Variants in ARMC3 observed in about 807,000 individuals in gnomAD.
ARMC3 encodes armadillo repeat-containing protein 3.
ARMC3 carries 74 observed loss-of-function variants against 90.3 expected under a neutral mutation model. The ratio of observed to expected loss-of-function variants is 0.82; its 90% CI spans 0.68 to 0.99. The LOEUF is 0.99. Ranked by LOEUF, ARMC3 falls within the 50% of genes least tolerant of loss-of-function variation. The pLI, the probability that ARMC3 is intolerant of heterozygous loss-of-function variation, is 0.00. For missense variants in ARMC3, 958 were observed against 1,042.8 expected (o/e 0.92, Z 1.12); for synonymous variants, 334 against 361.8 (o/e 0.92, Z 0.87).
rs569379547 is a variant in ARMC3, at chr10:23,035,507, T to C, written c.2410-1763T>C. Reference sequence around the variant, plus strand: ...CAATACTCACTGGTAAAATATCTTATCCTTCCCCTCCTCCTATATCCTTCA... The same window carrying C: ...CAATACTCACTGGTAAAATATCTTACCCTTCCCCTCCTCCTATATCCTTCA... On this transcript the variant is annotated intron_variant, in intron 18 of 18. Transcript: ENST00000298032. Among the ~76,000 whole-genome samples, 8 of 152,182 alleles carry C rather than the reference T, an allele frequency of 5.3e-5. No individual in the cohort carries two copies. In the East Asian group the frequency reaches 1.5e-3, roughly 29 times the overall value.
intron 2 of ARMC3, among the ~76,000 whole-genome samples, chr10:22,935,386 T>C (rs1166148594): frequency 2.6e-5 from 4 of 152,202 alleles, no homozygotes; most frequent in South Asian, 2.1e-4. Context: ...ATAAATGGCC[T>C]GTGCTTGCCC....
intron 11 of ARMC3, among the ~76,000 whole-genome samples, chr10:23,000,117 G>A (rs1337656696): frequency 2.0e-5 from 3 of 152,014 alleles, no homozygotes; most frequent in African/African-American, 7.3e-5. Flanking sequence ...CAATGGGAAC[G>A]TTAAGCTGCT....
intron 10 of ARMC3, among the ~76,000 whole-genome samples, chr10:22,991,194 ACTTAC>A (rs1285770642): frequency 1.3e-5 from 2 of 152,216 alleles, no homozygotes. Context: ...CTGTTGATTA[ACTTAC>A]CTTTGAGCAA....
chr10:22,978,006 T>C (rs1396268729), intron 8 of ARMC3, among the ~76,000 whole-genome samples: 1 of 152,178 alleles, frequency 6.6e-6, no homozygotes, highest in African/African-American at 2.4e-5. Flanking sequence ...AACCAACATC[T>C]TTGAGGCCAG....
chr10:23,010,178 C>G (rs1242356089), intron 16 of ARMC3, among the ~76,000 whole-genome samples: 1 of 146,358 alleles, frequency 6.8e-6, no homozygotes, highest in Non-Finnish European at 1.5e-5. Flanking sequence ...CTTCCCTTCT[C>G]TCCAGCTTCC....
At chr10:22,995,171 C>CA (rs1836894266) in intron 10 of ARMC3, among the ~76,000 whole-genome samples, 1 of 152,214 alleles carries the variant, frequency 6.6e-6, no homozygotes, top group Admixed American at 6.5e-5. Flanking sequence ...GGGAAAAATA[C>CA]AACAGAATGT....
chr10:23,021,190 C>T (rs1321129397), intron 16 of ARMC3, among the ~76,000 whole-genome samples: 1 of 152,182 alleles, frequency 6.6e-6, no homozygotes, highest in Non-Finnish European at 1.5e-5. Context: ...ATACATACGA[C>T]ATTTTTAAAA....
chr10:22,966,957 G>A (rs1564359608), intron 7 of ARMC3, among the ~76,000 whole-genome samples: 1 of 150,956 alleles, frequency 6.6e-6, no homozygotes, highest in Non-Finnish European at 1.5e-5. Flanking sequence ...ATTTGGGTTA[G>A]GACACAGAGC....
intron 1 of ARMC3, among the ~76,000 whole-genome samples, chr10:22,929,453 A>G (rs1398689015): frequency 1.3e-5 from 2 of 152,214 alleles, no homozygotes; most frequent in Non-Finnish European, 2.9e-5. Flanking sequence ...TTACCCTTGT[A>G]AGGATCATCT....
At chr10:22,945,744 T>C (rs1834501027) in intron 2 of ARMC3, among the ~76,000 whole-genome samples, 1 of 152,232 alleles carries the variant, frequency 6.6e-6, no homozygotes, top group African/African-American at 2.4e-5. Context: ...ATGTGCCAGA[T>C]GACGTGCTAA....
At chr10:23,004,295 T>G (rs2131438142) in intron 13 of ARMC3, among the ~76,000 whole-genome samples, 1 of 152,220 alleles carries the variant, frequency 6.6e-6, no homozygotes, top group African/African-American at 2.4e-5. Context: ...ATGAGGAGAA[T>G]GGGGAAAATG....
intron 11 of ARMC3, among the ~76,000 whole-genome samples, chr10:23,000,276 T>A (rs1837220774): frequency 6.6e-6 from 1 of 152,102 alleles, no homozygotes; most frequent in South Asian, 2.1e-4. Flanking sequence ...TATACCTGCT[T>A]GATTTCTCTG....
chr10:22,939,724 T>A (rs1834249314), intron 2 of ARMC3, among the ~76,000 whole-genome samples: 1 of 152,066 alleles, frequency 6.6e-6, no homozygotes, highest in African/African-American at 2.4e-5. Flanking sequence ...ATTTTCACAA[T>A]GCCCAGTATC....
intron 2 of ARMC3, among the ~76,000 whole-genome samples, chr10:22,937,234 CACTT>C (rs1834146856): frequency 6.6e-6 from 1 of 152,076 alleles, no homozygotes; most frequent in African/African-American, 2.4e-5. Context: ...TATAGATTCA[CACTT>C]AAATAACCAC....
intron 8 of ARMC3, among the ~76,000 whole-genome samples, chr10:22,973,293 TTAATAATAATAATAA>T (rs148238155): frequency 2.1e-4 from 30 of 140,912 alleles, no homozygotes; most frequent in Admixed American, 4.3e-4. Flanking sequence ...AGCAAGACCC[TTAATAATAATAATAA>T]TAATAATAAT....
intron 10 of ARMC3, among the ~76,000 whole-genome samples, chr10:22,990,115 T>G (rs538902237): frequency 6.6e-6 from 1 of 152,376 alleles, no homozygotes; most frequent in East Asian, 1.9e-4. Flanking sequence ...CTTTCAGGTT[T>G]AATTTCCAAC....
At chr10:23,034,882 C>A (rs1455851996) in intron 18 of ARMC3, among the ~76,000 whole-genome samples, 1 of 152,146 alleles carries the variant, frequency 6.6e-6, no homozygotes, top group East Asian at 1.9e-4. Context: ...CTAAAATCTA[C>A]AGATTATTTC....
chr10:23,029,212 T>C (rs533991170), intron 16 of ARMC3, among the ~76,000 whole-genome samples: 35 of 152,338 alleles, frequency 2.3e-4, no homozygotes, highest in African/African-American at 8.2e-4. Context: ...CTTCTTGAGC[T>C]TTCTCTGTGC....
chr10:22,932,314 G>C (rs1045907904), intron 2 of ARMC3, among the ~76,000 whole-genome samples: 2 of 152,206 alleles, frequency 1.3e-5, no homozygotes, highest in African/African-American at 4.8e-5. Flanking sequence ...TGAATAAATA[G>C]TTTGGGTTGT....
Sources: gnomAD v4.1 joint callset for allele counts (sites outside exome capture counted in the v4.1 genomes callset) on GRCh38, gnomAD v4.1.1 for gene constraint, MANE v1.5 for transcripts, NCBI Gene and HGNC (gene_info 2026-07-23, HGNC 2026-07-21) for gene names.